AGBL1: variants seen among roughly 807,000 people sequenced by gnomAD.
The protein encoded by AGBL1 is cytosolic carboxypeptidase 4.
A neutral mutation model predicts 118.9 loss-of-function variants in AGBL1; 130 were observed. That is an observed-to-expected ratio of 1.09 (90% CI 0.95 to 1.26). AGBL1 has a LOEUF of 1.26. Ranked by LOEUF, AGBL1 falls within the 50% of genes most tolerant of loss-of-function variation. AGBL1 has a pLI of 0.00. For synonymous variants in AGBL1, 555 were observed against 478.9 expected (o/e 1.16, Z -2.08); for missense variants, 1,584 against 1,298.1 (o/e 1.22, Z -3.38).
intron 17 of AGBL1, among the ~76,000 whole-genome samples, chr15:86,345,356 A>C (rs2080521154): frequency 6.6e-6 from 1 of 152,222 alleles, no homozygotes; most frequent in South Asian, 2.1e-4. Context: ...CCAATAGTGC[A>C]TCAGCGAGCA....
At chr15:86,725,191 C>G (rs1413064593) in intron 22 of AGBL1, among the ~76,000 whole-genome samples, 1 of 152,172 alleles carries the variant, frequency 6.6e-6, no homozygotes, top group African/African-American at 2.4e-5. Flanking sequence ...CAATATATGA[C>G]AAGCTACAGG....
At chr15:86,964,654 A>G (rs1051740309) in intron 23 of AGBL1, among the ~76,000 whole-genome samples, 28 of 150,472 alleles carry the variant, frequency 1.9e-4, no homozygotes, top group African/African-American at 6.8e-4. Flanking sequence ...TTTTTTTTAA[A>G]TACTTTAAGT....
chr15:86,737,869 TAAAC>T (rs2077623803), intron 22 of AGBL1, among the ~76,000 whole-genome samples: 1 of 152,156 alleles, frequency 6.6e-6, no homozygotes, highest in Non-Finnish European at 1.5e-5. Context: ...CTTTTTCTGA[TAAAC>T]ATAGATGCAA....
chr15:86,370,279 C>T (rs1175577839), intron 17 of AGBL1, among the ~76,000 whole-genome samples: 1 of 150,992 alleles, frequency 6.6e-6, no homozygotes, highest in Non-Finnish European at 1.5e-5. Context: ...CCTAGTAAGC[C>T]TCATTCCCAC....
At chr15:86,654,706 C>T (rs1230380685) in intron 21 of AGBL1, among the ~76,000 whole-genome samples, 1 of 152,132 alleles carries the variant, frequency 6.6e-6, no homozygotes, top group East Asian at 1.9e-4. Flanking sequence ...GTCACCGATG[C>T]TCTCCTTGGG....
intron 18 of AGBL1, among the ~76,000 whole-genome samples, chr15:86,416,529 G>A (rs1368847180): frequency 1.3e-5 from 2 of 152,016 alleles, no homozygotes; most frequent in African/African-American, 4.8e-5. Context: ...AGTAATCAGG[G>A]CCATTGATGT....
intron 21 of AGBL1, among the ~76,000 whole-genome samples, chr15:86,579,947 C>G (rs1377977842): frequency 1.3e-5 from 2 of 152,072 alleles, no homozygotes; most frequent in African/African-American, 2.4e-5. Context: ...GGAAAACTGT[C>G]TTGTGGGATG....
At chr15:86,750,080 G>A (rs1442829067) in intron 22 of AGBL1, among the ~76,000 whole-genome samples, 1 of 152,070 alleles carries the variant, frequency 6.6e-6, no homozygotes, top group Non-Finnish European at 1.5e-5. Context: ...ATTTCAGAAG[G>A]AATGGTACCA....
chr15:86,750,600 G>A (rs2077834971), intron 22 of AGBL1, among the ~76,000 whole-genome samples: 1 of 151,650 alleles, frequency 6.6e-6, no homozygotes, highest in Non-Finnish European at 1.5e-5. Flanking sequence ...TTAAGCAATG[G>A]GATTGCTTAT....
intron 6 of AGBL1, among the ~76,000 whole-genome samples, chr15:86,231,699 G>A (rs1282049430): frequency 6.6e-6 from 1 of 152,172 alleles, no homozygotes; most frequent in Non-Finnish European, 1.5e-5. Context: ...CTGAAGTTTG[G>A]AAAGCTGAAG....
chr15:86,144,422 G>A (rs1037164762), intron 3 of AGBL1, among the ~76,000 whole-genome samples: 4 of 152,052 alleles, frequency 2.6e-5, no homozygotes, highest in African/African-American at 9.7e-5. Flanking sequence ...CAACCTAAAC[G>A]CCCATCTAGA....
At chr15:86,631,365 A>G (rs1439966935) in intron 21 of AGBL1, among the ~76,000 whole-genome samples, 1 of 152,164 alleles carries the variant, frequency 6.6e-6, no homozygotes, top group African/African-American at 2.4e-5. Context: ...AAACATTTCA[A>G]TTTTTAATCT....
chr15:86,597,337 TA>T (rs1172295538), intron 21 of AGBL1, among the ~76,000 whole-genome samples: 1 of 152,230 alleles, frequency 6.6e-6, no homozygotes, highest in African/African-American at 2.4e-5. Context: ...TACGCCAGCT[TA>T]TAGGAACTGA....
chr15:87,024,069 A>G (rs2081698068), intron 24 of AGBL1, among the ~76,000 whole-genome samples: 1 of 152,058 alleles, frequency 6.6e-6, no homozygotes, highest in Non-Finnish European at 1.5e-5. Context: ...TCACACCTCA[A>G]GTAACTACCA....
intron 5 of AGBL1, among the ~76,000 whole-genome samples, chr15:86,222,088 C>A (rs2078289374): frequency 6.6e-6 from 1 of 152,150 alleles, no homozygotes; most frequent in South Asian, 2.1e-4. Context: ...TTCCTATCCT[C>A]TAGTGTTGAT....
chr15:86,939,101 G>C (rs1375948309), intron 23 of AGBL1: 1 of 152,286 alleles, frequency 6.6e-6, no homozygotes, highest in East Asian at 1.9e-4. Context: ...CTGTGTGATG[G>C]TTAATATTGA....
At chr15:86,491,803 A>G (rs1032980397) in intron 18 of AGBL1, among the ~76,000 whole-genome samples, 1 of 151,110 alleles carries the variant, frequency 6.6e-6, no homozygotes, top group Non-Finnish European at 1.5e-5. Context: ...ATTCTTCAGA[A>G]TATATTTAGT....
intron 13 of AGBL1, among the ~76,000 whole-genome samples, chr15:86,269,044 A>C (rs1021629025): frequency 6.6e-6 from 1 of 152,138 alleles, no homozygotes; most frequent in Admixed American, 6.5e-5. Context: ...AAAAATAATA[A>C]TCTTTGGAGA....
At chr15:86,108,570 C>T (rs1215019419) in intron 1 of AGBL1, among the ~76,000 whole-genome samples, 4 of 152,052 alleles carry the variant, frequency 2.6e-5, no homozygotes, top group African/African-American at 7.2e-5. Flanking sequence ...CAAGTGGATA[C>T]GTTTAGGTGC....
Sources: gnomAD v4.1 joint callset for allele counts (sites outside exome capture counted in the v4.1 genomes callset) on GRCh38, gnomAD v4.1.1 for gene constraint, MANE v1.5 for transcripts, NCBI Gene and HGNC (gene_info 2026-07-23, HGNC 2026-07-21) for gene names.